NXPH1: variants seen among roughly 807,000 people sequenced by gnomAD.
NXPH1 encodes the protein neurexophilin 1.
NXPH1 carries 5 observed loss-of-function variants against 23.7 expected under a neutral mutation model. The ratio of observed to expected loss-of-function variants is 0.21; its 90% confidence interval spans 0.11 to 0.44. NXPH1 has a LOEUF of 0.44. Among genes scored for constraint, NXPH1 ranks in the 20% least tolerant of loss-of-function variants. NXPH1 has a pLI of 0.99. For missense variants in NXPH1, 324 were observed against 321.6 expected (o/e 1.01, Z -0.06); for synonymous variants, 144 against 122.2 (o/e 1.18, Z -1.18).
At chr7:8,694,922 G>A (rs1199594281) in intron 2 of NXPH1, among the ~76,000 whole-genome samples, 1 of 151,942 alleles carries the variant, frequency 6.6e-6, no homozygotes, top group African/African-American at 2.4e-5. Flanking sequence ...GGGATTCTGT[G>A]GATAATTCAG....
chr7:8,572,279 A>G (rs117548220), intron 2 of NXPH1, among the ~76,000 whole-genome samples: 1,681 of 152,098 alleles, frequency 0.011, 16 homozygotes, highest in South Asian at 0.051. Context: ...GAAAATAGCA[A>G]ATAATGTTTA....
At chr7:8,547,724 C>T (rs2214513) in intron 2 of NXPH1, among the ~76,000 whole-genome samples, 57,621 of 151,210 alleles carry the variant, frequency 0.38, 12,920 homozygotes, top group African/African-American at 0.62. Context: ...ATTGTTTAGT[C>T]CCCACTTCTA....
intron 2 of NXPH1, among the ~76,000 whole-genome samples, chr7:8,607,921 A>G (rs1329584454): frequency 6.6e-6 from 1 of 152,236 alleles, no homozygotes; most frequent in African/African-American, 2.4e-5. Flanking sequence ...AGAGACACAC[A>G]CATACCTAGG....
chr7:8,466,451 A>G (rs1341568037), intron 2 of NXPH1, among the ~76,000 whole-genome samples: 1 of 152,208 alleles, frequency 6.6e-6, no homozygotes, highest in Non-Finnish European at 1.5e-5. Context: ...TGCAATTTTA[A>G]TTATGAATTT....
intron 2 of NXPH1, among the ~76,000 whole-genome samples, chr7:8,671,601 G>A (rs529186868): frequency 6.6e-6 from 1 of 152,036 alleles, no homozygotes; most frequent in Non-Finnish European, 1.5e-5. Context: ...TGGGAGGAAT[G>A]GTTCTGTGAT....
rs187738879 is a variant in NXPH1 at position 8,535,768 on chromosome 7, A to C, written c.54+100001A>C. 5.3e-3 allele frequency among the ~76,000 whole-genome samples: 806 copies of C among 152,152 alleles called. 1 individual carries two copies. The highest frequency in any genetic ancestry group is 9.2e-3 in the Non-Finnish European group (626 of 67,960). ...CAGTTTGTGGACAAGGTAAAATTTT[A>C]ATAATAAATTTAATTCAATTTACAA... On this transcript the variant is annotated intron_variant, in intron 2 of 2. Transcript: ENST00000405863.
chr7:8,731,357 A>T (rs536213448), intron 2 of NXPH1, among the ~76,000 whole-genome samples: 17 of 152,176 alleles, frequency 1.1e-4, no homozygotes, highest in Admixed American at 1.3e-4. Flanking sequence ...AGTCATTCTC[A>T]ATCCAGCTTT....
At chr7:8,626,301 C>G (rs1364189869) in intron 2 of NXPH1, among the ~76,000 whole-genome samples, 3 of 151,622 alleles carry the variant, frequency 2.0e-5, no homozygotes, top group Non-Finnish European at 4.4e-5. Context: ...GGGCCTTAGT[C>G]TATTCCAAAC....
chr7:8,695,797 ATAGGAAGCTTTGCTTACCCTCTG>A (rs1255103641), intron 2 of NXPH1, among the ~76,000 whole-genome samples: 1 of 152,238 alleles, frequency 6.6e-6, no homozygotes, highest in Non-Finnish European at 1.5e-5. Context: ...ATTTTAATCA[ATAGGAAGCTTTGCTTACCCTCTG>A]CAGTGAAATT....
chr7:8,738,378 C>T (rs1331060858), intron 2 of NXPH1, among the ~76,000 whole-genome samples: 6 of 152,116 alleles, frequency 3.9e-5, no homozygotes, highest in Non-Finnish European at 7.4e-5. Flanking sequence ...CAGTTAGGAC[C>T]CTCTGCTGCA....
chr7:8,529,606 G>C (rs565087542), intron 2 of NXPH1, among the ~76,000 whole-genome samples: 1 of 152,160 alleles, frequency 6.6e-6, no homozygotes, highest in Admixed American at 6.5e-5. Flanking sequence ...GGCTTTGCCA[G>C]TTATTAAATT....
At chr7:8,696,137 G>A (rs1204196407) in intron 2 of NXPH1, among the ~76,000 whole-genome samples, 3 of 152,158 alleles carry the variant, frequency 2.0e-5, no homozygotes, top group African/African-American at 4.8e-5. Context: ...TCAGGAAGAC[G>A]TGCTACATTT....
intron 2 of NXPH1, among the ~76,000 whole-genome samples, chr7:8,548,312 G>A (rs1241629431): frequency 6.6e-6 from 1 of 151,460 alleles, no homozygotes; most frequent in African/African-American, 2.4e-5. Context: ...GTTGGACATC[G>A]CCCTGGTTTC....
At chr7:8,582,660 G>C (rs554678750) in intron 2 of NXPH1, among the ~76,000 whole-genome samples, 1 of 152,114 alleles carries the variant, frequency 6.6e-6, no homozygotes, top group African/African-American at 2.4e-5. Context: ...GTGTCTAGGG[G>C]GTTTTTATGG....
intron 2 of NXPH1, among the ~76,000 whole-genome samples, chr7:8,436,024 C>T (rs186080101): frequency 4.0e-4 from 61 of 152,260 alleles, no homozygotes; most frequent in African/African-American, 1.4e-3. Context: ...ACACCCTAAA[C>T]CCAAGGAGGT....
At chr7:8,581,290 T>C (rs1404037328) in intron 2 of NXPH1, among the ~76,000 whole-genome samples, 1 of 152,172 alleles carries the variant, frequency 6.6e-6, no homozygotes, top group Non-Finnish European at 1.5e-5. Context: ...TACCTGAGAC[T>C]GGGTAATTTA....
At chr7:8,714,462 A>G (rs1420110990) in intron 2 of NXPH1, among the ~76,000 whole-genome samples, 1 of 152,054 alleles carries the variant, frequency 6.6e-6, no homozygotes, top group East Asian at 2.0e-4. Flanking sequence ...TCTAAGCTTA[A>G]GACAAAGTCC....
chr7:8,603,305 A>G (rs1819405258), intron 2 of NXPH1, among the ~76,000 whole-genome samples: 2 of 152,244 alleles, frequency 1.3e-5, no homozygotes, highest in Admixed American at 1.3e-4. Flanking sequence ...CATTTTGAAT[A>G]GAAATACAGT....
At chr7:8,446,167 G>T (rs949553335) in intron 2 of NXPH1, among the ~76,000 whole-genome samples, 2 of 152,306 alleles carry the variant, frequency 1.3e-5, no homozygotes, top group East Asian at 1.9e-4. Flanking sequence ...AGTTGTAAAT[G>T]GTTCAGTGAA....
Sources: allele counts gnomAD v4.1 joint callset (sites outside exome capture counted in the v4.1 genomes callset), GRCh38; gene constraint gnomAD v4.1.1; transcripts MANE v1.5; gene names NCBI Gene and HGNC (gene_info 2026-07-23, HGNC 2026-07-21).